The following LEKR1 variants were observed in gnomAD, a reference collection of about 807,000 sequenced individuals.
LEKR1 encodes leucine, glutamate and lysine rich 1, also known as protein LEKR1.
Under a neutral mutation model 72.4 loss-of-function variants are expected in LEKR1, and 59 were observed. That is an observed-to-expected ratio of 0.82 (90% CI 0.66 to 1.01). The LOEUF (loss-of-function observed/expected upper bound fraction) is 1.01, where lower values mean the gene tolerates loss of function less well. Among genes scored for constraint, LEKR1 ranks in the 50% least tolerant of loss-of-function variants. The probability of loss-of-function intolerance (pLI) is 0.00; values close to 1 mark genes in which losing one functional copy is unlikely to be tolerated. For synonymous variants in LEKR1, 257 were observed against 263.2 expected (o/e 0.98, Z 0.23); for missense variants, 728 against 759.2 (o/e 0.96, Z 0.48).
At chr3:156,942,267 G>A (rs1462187403) in intron 5 of LEKR1, among the ~76,000 whole-genome samples, 1 of 151,838 alleles carries the variant, frequency 6.6e-6, no homozygotes, top group Non-Finnish European at 1.5e-5. Context: ...AAAGCAGGCT[G>A]TATTACCACT....
At chr3:156,863,297 T>G (rs922486220) in intron 3 of LEKR1, among the ~76,000 whole-genome samples, 1 of 152,182 alleles carries the variant, frequency 6.6e-6, no homozygotes, top group Admixed American at 6.6e-5. Flanking sequence ...CGTCTAATGC[T>G]GGACTCCATG....
chr3:156,902,801 T>G (rs1722158056), intron 3 of LEKR1, among the ~76,000 whole-genome samples: 1 of 152,088 alleles, frequency 6.6e-6, no homozygotes, highest in South Asian at 2.1e-4. Context: ...CTAGCTTATA[T>G]TATAAAAGCT....
At chr3:156,942,166 T>C (rs1047211491) in intron 5 of LEKR1, among the ~76,000 whole-genome samples, 1 of 152,024 alleles carries the variant, frequency 6.6e-6, no homozygotes, top group African/African-American at 2.4e-5. Flanking sequence ...CATTTAAATT[T>C]ACTTTTCTGA....
intron 7 of LEKR1, among the ~76,000 whole-genome samples, chr3:156,984,252 C>T (rs1364475782): frequency 6.6e-6 from 1 of 152,142 alleles, no homozygotes; most frequent in Non-Finnish European, 1.5e-5. Context: ...AAATTCTTAT[C>T]TCACTCTATT....
chr3:157,023,111 TGAC>T, intron 10 of LEKR1, among the ~76,000 whole-genome samples: 1 of 152,172 alleles, frequency 6.6e-6, no homozygotes, highest in East Asian at 1.9e-4. Context: ...AAATTTAGGT[TGAC>T]CTCTTTCCCT....
intron 5 of LEKR1, among the ~76,000 whole-genome samples, chr3:156,935,596 G>GA (rs1484387703): frequency 6.6e-6 from 1 of 151,952 alleles, no homozygotes; most frequent in Admixed American, 6.6e-5. Flanking sequence ...TTTAAGTATA[G>GA]AAAAAAATAA....
At chr3:156,836,794 G>T (rs113893292) in intron 2 of LEKR1, among the ~76,000 whole-genome samples, 4 of 152,296 alleles carry the variant, frequency 2.6e-5, no homozygotes, top group Admixed American at 1.3e-4. Flanking sequence ...GAGAAGAAAA[G>T]AATCAATAAA....
intron 11 of LEKR1, among the ~76,000 whole-genome samples, chr3:157,025,628 G>T (rs959374543): frequency 6.6e-6 from 1 of 152,188 alleles, no homozygotes; most frequent in African/African-American, 2.4e-5. Flanking sequence ...TGAACAACAG[G>T]CAGCACCAGC....
intron 5 of LEKR1, among the ~76,000 whole-genome samples, chr3:156,930,762 C>T (rs771768749): frequency 1.3e-5 from 2 of 152,026 alleles, no homozygotes; most frequent in Non-Finnish European, 2.9e-5. Flanking sequence ...AATGACCCTA[C>T]TTATATAATC....
chr3:156,937,890 C>A (rs1725863580), intron 5 of LEKR1, among the ~76,000 whole-genome samples: 1 of 152,070 alleles, frequency 6.6e-6, no homozygotes, highest in African/African-American at 2.4e-5. Flanking sequence ...CTAAATTATG[C>A]TGAGTGAAAA....
At chr3:156,903,465 T>G (rs1436789460) in intron 3 of LEKR1, among the ~76,000 whole-genome samples, 1 of 152,162 alleles carries the variant, frequency 6.6e-6, no homozygotes, top group South Asian at 2.1e-4. Flanking sequence ...ATTTTAAGGT[T>G]GTTATATGAT....
At chr3:157,020,976 T>A (rs1733788944) in intron 10 of LEKR1, among the ~76,000 whole-genome samples, 2 of 151,246 alleles carry the variant, frequency 1.3e-5, no homozygotes, top group African/African-American at 4.8e-5. Context: ...CCATTCTAAC[T>A]GGTGGGAGAT....
chr3:156,867,196 G>A (rs761584257), intron 3 of LEKR1, among the ~76,000 whole-genome samples: 1 of 152,074 alleles, frequency 6.6e-6, no homozygotes, highest in African/African-American at 2.4e-5. Context: ...ATGAAAGGAT[G>A]TCAAGTAGTA....
chr3:156,951,575 G>T (rs1311146494), intron 6 of LEKR1, among the ~76,000 whole-genome samples: 1 of 151,510 alleles, frequency 6.6e-6, no homozygotes, highest in Non-Finnish European at 1.5e-5. Flanking sequence ...ATTTGTTCCT[G>T]GTTCAGTATT....
intron 12 of LEKR1, among the ~76,000 whole-genome samples, chr3:157,038,984 A>G (rs1202207642): frequency 6.6e-6 from 1 of 152,216 alleles, no homozygotes; most frequent in Non-Finnish European, 1.5e-5. Context: ...AAGTAAGGCT[A>G]AAGGACTATA....
intron 12 of LEKR1, among the ~76,000 whole-genome samples, chr3:157,029,480 G>A (rs1044653434): frequency 1.3e-5 from 2 of 152,118 alleles, no homozygotes; most frequent in African/African-American, 4.8e-5. Flanking sequence ...TCTATGATAT[G>A]ATGTTTCCTC....
intron 4 of LEKR1, 90 bp downstream of exon 4, chr3:156,920,784 T>C: frequency 1.4e-6 from 1 of 700,220 alleles, no homozygotes; most frequent in Non-Finnish European, 2.2e-6. Context: ...AGTAATATGG[T>C]TTCTATATCT....
chr3:156,837,142 T>G (rs924427536), intron 2 of LEKR1, among the ~76,000 whole-genome samples: 9 of 152,252 alleles, frequency 5.9e-5, no homozygotes, highest in African/African-American at 2.2e-4. Flanking sequence ...GCCCAGATGT[T>G]AATGTTCCAG....
intron 12 of LEKR1, among the ~76,000 whole-genome samples, chr3:157,035,971 TG>T (rs1734942441): frequency 6.6e-6 from 1 of 152,204 alleles, no homozygotes; most frequent in East Asian, 1.9e-4. Context: ...GCTATATCCA[TG>T]TTCAGTCTAC....
Sources: allele counts gnomAD v4.1 joint callset (sites outside exome capture counted in the v4.1 genomes callset), GRCh38; gene constraint gnomAD v4.1.1; transcripts MANE v1.5; gene names NCBI Gene and HGNC (gene_info 2026-07-23, HGNC 2026-07-21).